The following METTL16 variants were observed in gnomAD, a reference collection of about 807,000 sequenced individuals.
METTL16 encodes the protein methyltransferase 16, RNA N6-adenosine.
In METTL16, 19 loss-of-function variants were observed where a neutral mutation model predicts 57.9. The ratio of observed to expected loss-of-function variants is 0.33; its 90% CI spans 0.23 to 0.48. The LOEUF (loss-of-function observed/expected upper bound fraction) is 0.48, where lower values mean the gene tolerates loss of function less well. Among genes scored for constraint, METTL16 ranks in the 20% least tolerant of loss-of-function variants. METTL16 has a pLI of 0.99. For missense variants in METTL16, 434 were observed against 691.5 expected, an observed-to-expected ratio of 0.63 and a Z score of 4.18; for synonymous variants, 246 against 255.6, an observed-to-expected ratio of 0.96 and a Z score of 0.36.
Position 2,441,571 on chromosome 17 carries a change from A to G in METTL16, c.729-12T>C. On this transcript the variant is annotated splice_polypyrimidine_tract_variant and intron_variant, in intron 6 of 9. Coordinates refer to ENST00000263092, the MANE Select transcript of METTL16 (RefSeq NM_024086.4). ...TGCAGCTATACCATCTAGGAAAAAA[A>G]AAATCAGACAAGTAAATACGGTTTA... 6.5e-7 allele frequency: 1 copy of G among 1,543,230 alleles called. No individual in the cohort carries two copies. Among genetic ancestry groups the G allele is most frequent in the Non-Finnish European group, 8.8e-7 (1 of 1,142,728 alleles).
intron 2 of METTL16, among the ~76,000 whole-genome samples, chr17:2,478,123 T>A (rs1361259962): frequency 1.3e-5 from 2 of 152,194 alleles, no homozygotes; most frequent in Non-Finnish European, 2.9e-5. Flanking sequence ...AGCACAGAGA[T>A]TAAATGACTC....
In METTL16 at chr17:2,420,272, T is replaced by C. The variant is rs776492772; in HGVS notation, c.1387A>G (p.Thr463Ala). ...SLSQEENPEP[T>A]EDERSEEKGG... is the part of the protein sequence containing the mutation. ...TTTTCCTCACTCCTTTCATCCTCCG[T>C]GGGTTCCGGGTTTTCCTCCTGGGAC... The change falls in exon 10 of 10, where the codon ACG (threonine) becomes GCG (alanine). Residue 463 changes from threonine to alanine, a missense_variant. Physicochemically the swap from Thr to Ala is moderately conservative, Grantham distance 58. Transcript: ENST00000263092. The surrounding 1 kb of genome is among the most constrained non-coding windows in gnomAD (Gnocchi z 5.4). 1.9e-6 allele frequency: 3 copies of C among 1,613,738 alleles called. No homozygotes were observed. In the East Asian group the frequency reaches 6.7e-5, roughly 36 times the overall value.
At chr17:2,507,193 A>G (rs1222590603) in intron 1 of METTL16, among the ~76,000 whole-genome samples, 30 of 105,012 alleles carry the variant, frequency 2.9e-4, no homozygotes, top group Middle Eastern at 8.9e-3. Flanking sequence ...CCGTCCGGGA[A>G]GGAGGTGAGG....
chr17:2,447,767 C>G (rs1349661959), intron 6 of METTL16, among the ~76,000 whole-genome samples: 2 of 132,656 alleles, frequency 1.5e-5, no homozygotes, highest in African/African-American at 6.1e-5. Flanking sequence ...GGGATCAGCC[C>G]CCCGCCCGGC....
At chr17:2,475,056 T>TC (rs1446101112) in intron 3 of METTL16, among the ~76,000 whole-genome samples, 2 of 152,108 alleles carry the variant, frequency 1.3e-5, no homozygotes, top group Non-Finnish European at 2.9e-5. Flanking sequence ...TCTGACCATA[T>TC]CCCAATTCTG....
intron 2 of METTL16, among the ~76,000 whole-genome samples, chr17:2,499,568 C>A (rs1399527492): frequency 6.6e-6 from 1 of 152,010 alleles, no homozygotes; most frequent in Admixed American, 6.6e-5. Flanking sequence ...ACAGAGAAAT[C>A]CCAATTCAAT....
At chr17:2,452,521 A>C (rs1048016578) in intron 6 of METTL16, among the ~76,000 whole-genome samples, 1 of 152,216 alleles carries the variant, frequency 6.6e-6, no homozygotes, top group Admixed American at 6.5e-5. Context: ...GAAAAGGAAG[A>C]TCTAGTCACC....
At chr17:2,442,830 T>C (rs1215865558) in intron 6 of METTL16, among the ~76,000 whole-genome samples, 2 of 146,510 alleles carry the variant, frequency 1.4e-5, no homozygotes, top group South Asian at 2.2e-4. Flanking sequence ...ATAACTTCAA[T>C]AGTTCTTTTT....
chr17:2,466,459 A>T (rs1427044846), intron 5 of METTL16, among the ~76,000 whole-genome samples: 1 of 152,212 alleles, frequency 6.6e-6, no homozygotes, highest in African/African-American at 2.4e-5. Context: ...AATACTGCCA[A>T]CACCTTAATC....
At chr17:2,428,527 CAAAAAAAAAAAAAAAAAAAAAAAAA>C in intron 8 of METTL16, among the ~76,000 whole-genome samples, 1 of 21,074 alleles carries the variant, frequency 4.7e-5, no homozygotes, top group African/African-American at 1.8e-4. Context: ...GACTCCGTCT[CAAAAAAAAAAAAAAAAAAAAAAAAA>C]AAAAAAAAAA....
chr17:2,471,252 A>G (rs998021199), intron 4 of METTL16, among the ~76,000 whole-genome samples: 1 of 152,064 alleles, frequency 6.6e-6, no homozygotes, highest in Non-Finnish European at 1.5e-5. Flanking sequence ...GCTCACTGCA[A>G]CCTCCGCCTC....
chr17:2,468,918 TGTG>T (rs2067219279), intron 4 of METTL16, among the ~76,000 whole-genome samples: 1 of 88,672 alleles, frequency 1.1e-5, no homozygotes, highest in African/African-American at 4.4e-5. Context: ...TTTGTTGTTG[TGTG>T]TGTGTGTTTT....
chr17:2,443,652 AT>A lies in METTL16; in HGVS notation c.729-2094del, dbSNP rs981105371. On this transcript the variant is annotated intron_variant, in intron 6 of 9. Transcript: ENST00000263092. ...CAGGCGCCCACCACGACGCCCGGCT[AT>A]TTTTTTTTTATTATTATTTTTATTT... Among the ~76,000 whole-genome samples, 832 of 148,676 alleles carry A rather than the reference AT, an allele frequency of 5.6e-3. 3 individuals carry two copies. The highest frequency in any genetic ancestry group is 9.5e-3 in the African/African-American group (385 of 40,528).
intron 6 of METTL16, among the ~76,000 whole-genome samples, chr17:2,452,442 T>C (rs1266349147): frequency 6.6e-6 from 1 of 152,074 alleles, no homozygotes; most frequent in African/African-American, 2.4e-5. Flanking sequence ...GCCTACCCAC[T>C]AGATCCTAGC....
chr17:2,427,012 A>G (rs1269130541), intron 8 of METTL16, among the ~76,000 whole-genome samples: 3 of 151,166 alleles, frequency 2.0e-5, no homozygotes, highest in Non-Finnish European at 4.4e-5. Flanking sequence ...GCATGGAGGC[A>G]TACACCTGTA....
chr17:2,510,606 G>C (rs2067580545), intron 1 of METTL16, among the ~76,000 whole-genome samples: 1 of 152,058 alleles, frequency 6.6e-6, no homozygotes, highest in Admixed American at 6.6e-5. Context: ...TCCCAATATA[G>C]GCAATGAGTT....
chr17:2,461,744 T>G (rs574392416), intron 6 of METTL16, among the ~76,000 whole-genome samples: 6 of 152,042 alleles, frequency 3.9e-5, no homozygotes, highest in African/African-American at 1.2e-4. Flanking sequence ...ACCCAGCTAA[T>G]TTTTTGTATT....
chr17:2,467,142 T>A (rs1724836132), intron 5 of METTL16, among the ~76,000 whole-genome samples: 1 of 152,064 alleles, frequency 6.6e-6, no homozygotes, highest in South Asian at 2.1e-4. Context: ...GAATCCACGA[T>A]GCGGAACCCA....
At chr17:2,448,172 G>A (rs1275759201) in intron 6 of METTL16, among the ~76,000 whole-genome samples, 7 of 145,784 alleles carry the variant, frequency 4.8e-5, no homozygotes, top group Admixed American at 3.4e-4. Context: ...GGTGAGGGGC[G>A]CCTCTGCCCG....
Sources: gnomAD v4.1 joint callset for allele counts (sites outside exome capture counted in the v4.1 genomes callset) on GRCh38, gnomAD v4.1.1 for gene constraint, Gnocchi (gnomAD v3.1) non-coding constraint, MANE v1.5 for transcripts, NCBI Gene and HGNC (gene_info 2026-07-23, HGNC 2026-07-21) for gene names.